The following STX8 variants were observed in gnomAD, a reference collection of about 807,000 sequenced individuals.
The protein encoded by STX8 is syntaxin-8.
Under a neutral mutation model 37.5 loss-of-function variants are expected in STX8, and 23 were observed. The ratio of observed to expected loss-of-function variants is 0.61; its 90% CI spans 0.44 to 0.87. The LOEUF is 0.87. Ranked by LOEUF, STX8 falls within the 40% of genes least tolerant of loss-of-function variation. STX8 has a pLI of 0.00. For synonymous variants in STX8, 115 were observed against 99.1 expected (o/e 1.16, Z -0.95); for missense variants, 313 against 284.7 (o/e 1.10, Z -0.71).
At chr17:9,265,790 C>T (rs539357882) in intron 7 of STX8, among the ~76,000 whole-genome samples, 7 of 152,320 alleles carry the variant, frequency 4.6e-5, no homozygotes, top group African/African-American at 1.2e-4. Context: ...ACCAAACTGA[C>T]GTCCTAGTGT....
intron 4 of STX8, among the ~76,000 whole-genome samples, chr17:9,513,820 C>T (rs748784136): frequency 2.0e-5 from 3 of 152,158 alleles, no homozygotes; most frequent in African/African-American, 4.8e-5. Context: ...ACATACACAA[C>T]GGAATACAAT....
intron 6 of STX8, among the ~76,000 whole-genome samples, chr17:9,391,956 T>C (rs182263379): frequency 3.3e-5 from 5 of 152,278 alleles, no homozygotes; most frequent in Admixed American, 3.3e-4. Flanking sequence ...ATAGTATACG[T>C]AGACATTGAG....
At chr17:9,535,291 G>C (rs988112071) in intron 4 of STX8, among the ~76,000 whole-genome samples, 3 of 151,946 alleles carry the variant, frequency 2.0e-5, no homozygotes, top group African/African-American at 7.3e-5. Context: ...CTTTCTTTGG[G>C]AAAGACTGTT....
intron 6 of STX8, among the ~76,000 whole-genome samples, chr17:9,448,388 A>G (rs1428581109): frequency 6.6e-6 from 1 of 152,138 alleles, no homozygotes; most frequent in Non-Finnish European, 1.5e-5. Flanking sequence ...TTCTCGTTTC[A>G]GCTCCACATA....
At chr17:9,290,669 G>A (rs1908282785) in intron 7 of STX8, among the ~76,000 whole-genome samples, 1 of 152,144 alleles carries the variant, frequency 6.6e-6, no homozygotes, top group South Asian at 2.1e-4. Context: ...TCTGGTTAAT[G>A]GTCATCTTCT....
chr17:9,398,165 G>A (rs1207705230), intron 6 of STX8, among the ~76,000 whole-genome samples: 1 of 152,160 alleles, frequency 6.6e-6, no homozygotes, highest in Non-Finnish European at 1.5e-5. Context: ...AGAACAGTGT[G>A]GAAATGGGGA....
At chr17:9,475,769 T>C (rs1906076010) in intron 6 of STX8, among the ~76,000 whole-genome samples, 1 of 152,222 alleles carries the variant, frequency 6.6e-6, no homozygotes. Flanking sequence ...TGTGCCCTCT[T>C]TTACCTAACC....
intron 6 of STX8, among the ~76,000 whole-genome samples, chr17:9,475,504 C>T (rs1237922013): frequency 1.3e-5 from 2 of 152,294 alleles, no homozygotes; most frequent in South Asian, 4.1e-4. Flanking sequence ...AGTCTGCCCA[C>T]AGCCCTGCCC....
chr17:9,386,101 T>C (rs1911997733), intron 6 of STX8, among the ~76,000 whole-genome samples: 1 of 98,690 alleles, frequency 1.0e-5, no homozygotes, highest in Non-Finnish European at 2.0e-5. Context: ...AAAGCCTATT[T>C]CTCAAAAAAA....
At chr17:9,463,767 G>T (rs1226510423) in intron 6 of STX8, among the ~76,000 whole-genome samples, 1 of 152,188 alleles carries the variant, frequency 6.6e-6, no homozygotes, top group Non-Finnish European at 1.5e-5. Flanking sequence ...AATTAGCAGG[G>T]TGTGGTGGCG....
At chr17:9,330,064 C>G (rs959914056) in intron 7 of STX8, among the ~76,000 whole-genome samples, 3 of 152,002 alleles carry the variant, frequency 2.0e-5, no homozygotes, top group Admixed American at 1.3e-4. Context: ...GGAGGTCCCG[C>G]GGCTTCAAAG....
chr17:9,533,168 C>T (rs762486710), intron 4 of STX8, among the ~76,000 whole-genome samples: 18 of 152,190 alleles, frequency 1.2e-4, no homozygotes, highest in Non-Finnish European at 2.5e-4. Context: ...CAATGTGTCA[C>T]GTTAAAATTG....
chr17:9,546,925 T>A (rs1906552669), intron 3 of STX8, among the ~76,000 whole-genome samples: 1 of 151,020 alleles, frequency 6.6e-6, no homozygotes, highest in Admixed American at 6.6e-5. Flanking sequence ...GTTTTTAGGC[T>A]GAACTGTGTC....
chr17:9,372,901 C>T (rs1292306247), intron 7 of STX8, among the ~76,000 whole-genome samples: 1 of 149,642 alleles, frequency 6.7e-6, no homozygotes, highest in Admixed American at 6.7e-5. Context: ...GTCAGGAGAT[C>T]GAGACCAGCC....
intron 7 of STX8, among the ~76,000 whole-genome samples, chr17:9,266,949 G>A (rs1022846403): frequency 6.6e-6 from 1 of 152,140 alleles, no homozygotes. Flanking sequence ...AGAAAAAATG[G>A]GCTCTCCTGT....
rs1239050601 is a variant in STX8 at position 9,327,233 on chromosome 17, AGGAGGAC to A, written c.643+51312_643+51318del. 4.6e-3 allele frequency among the ~76,000 whole-genome samples: 681 copies of A among 149,254 alleles called. 2 individuals carry two copies. Among genetic ancestry groups the A allele is most frequent in the Middle Eastern group, 0.01 (3 of 292 alleles). Reference sequence around the variant, plus strand: ...GAGGAAGAAGGAGGAAGAAGGAGGAAGGAGGACAGAGGAGGAAGGAGGAAGGAGGAGG... The same window carrying A: ...GAGGAAGAAGGAGGAAGAAGGAGGAAAGAGGAGGAAGGAGGAAGGAGGAGG... On this transcript the variant is annotated intron_variant, in intron 7 of 7. Transcript: ENST00000306357.
At chr17:9,411,666 T>C (rs1417881195) in intron 6 of STX8, among the ~76,000 whole-genome samples, 1 of 152,190 alleles carries the variant, frequency 6.6e-6, no homozygotes, top group Non-Finnish European at 1.5e-5. Flanking sequence ...CCTCACTAGG[T>C]TCCATTTCTG....
At chr17:9,451,043 A>G (rs9890596) in intron 6 of STX8, among the ~76,000 whole-genome samples, 29,709 of 151,978 alleles carry the variant, frequency 0.2, 3,752 homozygotes, top group East Asian at 0.63. Flanking sequence ...TCCTCACTCT[A>G]TCTTAAAGCA....
chr17:9,302,182 C>T (rs1908811369), intron 7 of STX8, among the ~76,000 whole-genome samples: 1 of 152,124 alleles, frequency 6.6e-6, no homozygotes, highest in Non-Finnish European at 1.5e-5. Context: ...TCTAGAAGAT[C>T]ATTGAACCGT....
Sources: allele counts gnomAD v4.1 joint callset (sites outside exome capture counted in the v4.1 genomes callset), GRCh38; gene constraint gnomAD v4.1.1; transcripts MANE v1.5; gene names NCBI Gene and HGNC (gene_info 2026-07-23, HGNC 2026-07-21).